The following ARHGAP26 variants were observed in gnomAD, a reference collection of about 807,000 sequenced individuals.
ARHGAP26 encodes the protein Rho GTPase activating protein 26.
In ARHGAP26, 38 loss-of-function variants were observed where a neutral mutation model predicts 104.8. The ratio of observed to expected loss-of-function variants is 0.36; its 90% CI spans 0.28 to 0.48. ARHGAP26 has a LOEUF of 0.48. Among genes scored for constraint, ARHGAP26 ranks in the 20% least tolerant of loss-of-function variants. ARHGAP26 has a pLI of 0.99. For missense variants in ARHGAP26, 704 were observed against 947.9 expected (o/e 0.74, Z 3.38); for synonymous variants, 341 against 340.0 (o/e 1.00, Z -0.03).
intron 20 of ARHGAP26, among the ~76,000 whole-genome samples, chr5:143,191,569 G>A (rs753010708): frequency 5.9e-5 from 9 of 152,114 alleles, no homozygotes; most frequent in Non-Finnish European, 1.3e-4. Context: ...TATTTGCAAT[G>A]GGCTAAAGTA....
intron 20 of ARHGAP26, chr5:143,203,195 G>C (rs2151324937): frequency 6.6e-6 from 1 of 151,816 alleles, no homozygotes; most frequent in Non-Finnish European, 1.5e-5. Context: ...CTAATATCCA[G>C]AATCTACAAG....
intron 11 of ARHGAP26, among the ~76,000 whole-genome samples, chr5:143,001,135 G>A (rs1233274284): frequency 6.6e-6 from 1 of 152,094 alleles, no homozygotes. Flanking sequence ...AAACTAATTG[G>A]GGGTGCAAAA....
chr5:143,185,984 G>A (rs1449629296), intron 20 of ARHGAP26, among the ~76,000 whole-genome samples: 1 of 152,154 alleles, frequency 6.6e-6, no homozygotes, highest in African/African-American at 2.4e-5. Context: ...TAGCTTCTCT[G>A]CAGAGATGAG....
At chr5:143,146,303 G>A (rs1385380563) in intron 19 of ARHGAP26, among the ~76,000 whole-genome samples, 1 of 152,170 alleles carries the variant, frequency 6.6e-6, no homozygotes, top group Non-Finnish European at 1.5e-5. Context: ...AGAACATAAA[G>A]TTCTGTTCTT....
chr5:143,069,640 A>G (rs1166262748), intron 17 of ARHGAP26, among the ~76,000 whole-genome samples: 1 of 152,246 alleles, frequency 6.6e-6, no homozygotes, highest in Non-Finnish European at 1.5e-5. Flanking sequence ...GGATGCCATC[A>G]TTCAAAAGAT....
intron 5 of ARHGAP26, among the ~76,000 whole-genome samples, chr5:142,889,456 T>C (rs537014371): frequency 4.5e-4 from 68 of 150,856 alleles, no homozygotes; most frequent in Non-Finnish European, 8.6e-4. Context: ...CTAGTGAAAA[T>C]GCAAAAAAAA....
At chr5:142,802,232 C>T (rs917502006) in intron 1 of ARHGAP26, among the ~76,000 whole-genome samples, 5 of 152,168 alleles carry the variant, frequency 3.3e-5, no homozygotes, top group East Asian at 1.9e-4. Flanking sequence ...TTTCAGATTT[C>T]GTTTTCATTT....
chr5:143,046,302 T>G lies in ARHGAP26; in HGVS notation c.1285+4412T>G, dbSNP rs989267589. ...CTGAATGACAGAGCAAGACTCAGTC[T>G]CAAAAAAAAAGGCTGAGAATTAAGC... On this transcript the variant is annotated intron_variant, in intron 14 of 22. Transcript: ENST00000645722. Among the ~76,000 whole-genome samples, 7 of 152,062 alleles carry G rather than the reference T, an allele frequency of 4.6e-5. No individual in the cohort carries two copies. The South Asian group carries it at 1.2e-3, about 27-fold the overall frequency.
chr5:142,912,864 C>G (rs1320742838), intron 9 of ARHGAP26, among the ~76,000 whole-genome samples: 1 of 152,126 alleles, frequency 6.6e-6, no homozygotes, highest in Non-Finnish European at 1.5e-5. Flanking sequence ...ATCATAGAAG[C>G]TCAGAGTTAG....
chr5:142,936,670 T>C (rs1765463761), intron 11 of ARHGAP26, among the ~76,000 whole-genome samples: 2 of 152,124 alleles, frequency 1.3e-5, no homozygotes, highest in African/African-American at 4.8e-5. Flanking sequence ...GACAGAGGGA[T>C]AGACACGTAG....
chr5:143,084,708 C>G (rs1790302312), intron 17 of ARHGAP26, among the ~76,000 whole-genome samples: 1 of 152,196 alleles, frequency 6.6e-6, no homozygotes, highest in Non-Finnish European at 1.5e-5. Flanking sequence ...GTAGGGCACA[C>G]AGTCACACCT....
At chr5:142,801,610 G>C (rs2151963091) in intron 1 of ARHGAP26, among the ~76,000 whole-genome samples, 1 of 151,386 alleles carries the variant, frequency 6.6e-6, no homozygotes, top group Non-Finnish European at 1.5e-5. Context: ...ATTTAGTAGA[G>C]GGTTTTTTTT....
At chr5:143,029,389 T>C (rs245833) in intron 12 of ARHGAP26, among the ~76,000 whole-genome samples, 23,292 of 130,836 alleles carry the variant, frequency 0.18, 2,629 homozygotes, top group South Asian at 0.31. Context: ...CCTTTACTTC[T>C]CAGTTTTTTT....
At chr5:142,843,858 C>T (rs894045891) in intron 1 of ARHGAP26, among the ~76,000 whole-genome samples, 1 of 152,108 alleles carries the variant, frequency 6.6e-6, no homozygotes, top group Non-Finnish European at 1.5e-5. Context: ...TGAGCTTTGG[C>T]TTCATGCATT....
At chr5:142,863,738 A>C (rs1753774034) in intron 1 of ARHGAP26, among the ~76,000 whole-genome samples, 1 of 151,802 alleles carries the variant, frequency 6.6e-6, no homozygotes, top group African/African-American at 2.4e-5. Context: ...AGAAATGTAG[A>C]CTCTCGGGCT....
chr5:142,945,905 A>T (rs1167788096), intron 11 of ARHGAP26, among the ~76,000 whole-genome samples: 1 of 152,198 alleles, frequency 6.6e-6, no homozygotes, highest in East Asian at 1.9e-4. Context: ...CCCAGATCAC[A>T]TATTGCAATT....
intron 17 of ARHGAP26, among the ~76,000 whole-genome samples, chr5:143,117,660 A>T (rs1421576200): frequency 6.6e-6 from 1 of 152,248 alleles, no homozygotes; most frequent in East Asian, 1.9e-4. Flanking sequence ...TTATATTCAG[A>T]GTTGCTAATC....
At chr5:143,008,471 G>A (rs1778291169) in intron 11 of ARHGAP26, among the ~76,000 whole-genome samples, 1 of 152,236 alleles carries the variant, frequency 6.6e-6, no homozygotes, top group African/African-American at 2.4e-5. Flanking sequence ...TTGACACATT[G>A]CCTTATTCAG....
intron 1 of ARHGAP26, chr5:142,771,416 C>G (rs1399568321): frequency 8.1e-7 from 1 of 1,231,684 alleles, no homozygotes; most frequent in Non-Finnish European, 1.0e-6. Context: ...CAGCTCCAGC[C>G]TAGTCAGGCC....
Sources: allele counts gnomAD v4.1 joint callset (sites outside exome capture counted in the v4.1 genomes callset), GRCh38; gene constraint gnomAD v4.1.1; transcripts MANE v1.5; gene names NCBI Gene and HGNC (gene_info 2026-07-23, HGNC 2026-07-21).